Variants in LIN28A observed in about 807,000 individuals in gnomAD.
LIN28A encodes the protein lin-28 RNA binding posttranscriptional regulator A.
LIN28A carries 11 observed loss-of-function variants against 21.1 expected under a neutral mutation model. That is an observed-to-expected ratio of 0.52 (90% CI 0.33 to 0.86). The LOEUF (loss-of-function observed/expected upper bound fraction) is 0.86. Among genes scored for constraint, LIN28A ranks in the 40% least tolerant of loss-of-function variants. The pLI is 0.03. For missense variants in LIN28A, 219 were observed against 279.8 expected (o/e 0.78, Z 1.55); for synonymous variants, 111 against 108.7 (o/e 1.02, Z -0.13).
intron 2 of LIN28A, among the ~76,000 whole-genome samples, chr1:26,422,014 T>TC (rs1185926113): frequency 6.6e-6 from 1 of 151,400 alleles, no homozygotes; most frequent in Non-Finnish European, 1.5e-5. Context: ...ATTTATCTTT[T>TC]TTTTTTTTTT....
chr1:26,417,278 G>T (rs978891733), intron 2 of LIN28A, among the ~76,000 whole-genome samples: 1 of 152,138 alleles, frequency 6.6e-6, no homozygotes, highest in Non-Finnish European at 1.5e-5. Context: ...GGGATCAGAG[G>T]GATTGGCTGC....
At chr1:26,415,446 G>A (rs913586511) in intron 2 of LIN28A, among the ~76,000 whole-genome samples, 1 of 152,136 alleles carries the variant, frequency 6.6e-6, no homozygotes, top group East Asian at 1.9e-4. Flanking sequence ...TGAGGTACTG[G>A]TCTTATACCC....
At chr1:26,416,281 T>A (rs1167109506) in intron 2 of LIN28A, among the ~76,000 whole-genome samples, 3 of 152,052 alleles carry the variant, frequency 2.0e-5, no homozygotes, top group South Asian at 2.1e-4. Context: ...GCATGAGCCA[T>A]GATGCCCGGC....
intron 2 of LIN28A, among the ~76,000 whole-genome samples, chr1:26,419,978 G>T (rs1478393149): frequency 6.6e-6 from 1 of 152,056 alleles, no homozygotes; most frequent in Admixed American, 6.5e-5. Flanking sequence ...TATTTTTTGA[G>T]ATGGGTTCTT....
intron 1 of LIN28A, 28 bp downstream of exon 1, chr1:26,410,950 CTT>C: frequency 6.2e-7 from 1 of 1,600,894 alleles, no homozygotes. Context: ...AGCGGGGACA[CTT>C]TAGGATTCAG....
chr1:26,413,797 TTTTGTTTGTTTG>T (rs150759689), intron 2 of LIN28A, among the ~76,000 whole-genome samples: 5 of 143,330 alleles, frequency 3.5e-5, no homozygotes, highest in African/African-American at 1.3e-4. Context: ...GCACTTGTTT[TTTTGTTTGTTTG>T]TTTGTTTGTT....
In LIN28A at chr1:26,411,460, C is replaced by T. The variant is rs751614817; in HGVS notation, c.106C>T (p.Gln36Ter). The change falls in exon 2 of 4, where the codon CAG becomes TAG. Residue 36 changes from glutamine to a stop codon, truncating the protein, a stop_gained. Coordinates refer to ENST00000326279, the MANE Select transcript of LIN28A (RefSeq NM_024674.6). LOFTEE classifies it high-confidence loss of function. This position sits in a 1 kb window ranked among gnomAD's most constrained non-coding sequence, Gnocchi z 5.4. ...CGCGGCCCGGGCGGCGGACGAGCCTCAGCTGCTGCACGGTGCGGGCATCTG... is the reference window on the plus strand; with the variant it reads ...CGCGGCCCGGGCGGCGGACGAGCCTTAGCTGCTGCACGGTGCGGGCATCTG... ...EDAARAADEP[Q>*]LLHGAGICKW... 1 of 1,613,078 alleles carries T rather than the reference C, an allele frequency of 6.2e-7. No individual in the cohort carries two copies. Among genetic ancestry groups the T allele is most frequent in the South Asian group, 1.1e-5 (1 of 91,066 alleles).
intron 3 of LIN28A, among the ~76,000 whole-genome samples, 195 bp from the exon 4 acceptor site, chr1:26,426,047 C>G (rs2075057227): frequency 6.6e-6 from 1 of 152,146 alleles, no homozygotes; most frequent in African/African-American, 2.4e-5. Context: ...CTGAAGAGAT[C>G]ACCTAGACAA....
Position 26,415,375 on chromosome 1 carries a change from G to A in LIN28A, c.228+3793G>A, listed in dbSNP as rs535190585. Reference sequence around the variant, plus strand: ...TGCGGGGGCGGGTGGGGAAATATACGGAATCTTTCCTCCTGGTTTGTAACA... The same window carrying A: ...TGCGGGGGCGGGTGGGGAAATATACAGAATCTTTCCTCCTGGTTTGTAACA... On this transcript the variant is annotated intron_variant, in intron 2 of 3. Transcript: ENST00000326279. Among the ~76,000 whole-genome samples, 34 of 152,198 alleles carry A rather than the reference G, an allele frequency of 2.2e-4. No individual in the cohort carries two copies. In the South Asian group the frequency reaches 5.4e-3, roughly 24 times the overall value.
Position 26,426,501 on chromosome 1 carries a change from T to G in LIN28A, c.*43T>G, listed in dbSNP as rs4659441. 6.5e-7 allele frequency: 1 copy of G among 1,546,380 alleles called. No individual in the cohort carries two copies. Among genetic ancestry groups the G allele is most frequent in the Non-Finnish European group, 8.9e-7 (1 of 1,121,202 alleles). Reference sequence around the variant, plus strand: ...CTATTCTTTTGCTATCAGGAAGTTTTGAGGAGCAGGCAGAGTGGAGAAAGT... The same window carrying G: ...CTATTCTTTTGCTATCAGGAAGTTTGGAGGAGCAGGCAGAGTGGAGAAAGT... On this transcript the variant is annotated 3_prime_UTR_variant, in exon 4 of 4. Coordinates refer to ENST00000326279, the MANE Select transcript of LIN28A (RefSeq NM_024674.6).
rs1459871794 is a variant in LIN28A at position 26,426,700 on chromosome 1, C to A, written c.*242C>A. The A allele has an allele frequency of 1.8e-5, 9 of 486,488 alleles. No homozygotes were observed. Among genetic ancestry groups the A allele is most frequent in the African/African-American group, 1.7e-4 (9 of 51,430 alleles). 30.1% of individuals were successfully genotyped at this position (486,488 alleles called of 1,614,324 possible). A position where few individuals can be genotyped will look rare whatever the true frequency, so the allele number is the denominator to read the frequency against. On this transcript the variant is annotated 3_prime_UTR_variant, in exon 4 of 4. Transcript: ENST00000326279. ...GGGGCAACCAGGAGGGGGGAATCAC[C>A]CTACAACCTGCATACTTTGAGTCTC...
Position 26,428,276 on chromosome 1 carries a change from T to G in LIN28A, c.*1818T>G, listed in dbSNP as rs2075072091. The G allele has an allele frequency of 1.3e-5, 2 of 152,592 alleles. No homozygotes were observed. Among genetic ancestry groups the G allele is most frequent in the Non-Finnish European group, 2.9e-5 (2 of 68,032 alleles). The allele number at this position is 152,592 out of a possible 1,614,324, so 9.5% of individuals were successfully genotyped here. On this transcript the variant is annotated 3_prime_UTR_variant, in exon 4 of 4. Coordinates refer to ENST00000326279, the MANE Select transcript of LIN28A (RefSeq NM_024674.6). ...AGTTTGGGGGGCCCTCTTCTTAAAG[T>G]GGGGATCTTGAACCATCCTTTCTTT...
chr1:26,413,750 A>T (rs556951993), intron 2 of LIN28A, among the ~76,000 whole-genome samples: 117 of 150,978 alleles, frequency 7.7e-4, no homozygotes, highest in African/African-American at 2.7e-3. Flanking sequence ...CTCCAACCCC[A>T]CCTTAACCGT....
At chr1:26,420,698 C>T (rs952291928) in intron 2 of LIN28A, among the ~76,000 whole-genome samples, 1 of 151,996 alleles carries the variant, frequency 6.6e-6, no homozygotes, top group East Asian at 1.9e-4. Flanking sequence ...GAATATTACC[C>T]CCCAGCCACC....
intron 2 of LIN28A, among the ~76,000 whole-genome samples, chr1:26,414,002 T>G (rs1045540819): frequency 6.6e-6 from 1 of 152,018 alleles, no homozygotes; most frequent in Non-Finnish European, 1.5e-5. Context: ...TAATTTTTTG[T>G]ATTTTTAGTA....
chr1:26,414,226 C>G (rs1431390651), intron 2 of LIN28A, among the ~76,000 whole-genome samples: 1 of 136,120 alleles, frequency 7.3e-6, no homozygotes, highest in Admixed American at 7.4e-5. Flanking sequence ...AAAGTGTTCC[C>G]GAAGCAGAGG....
rs35039079 is a variant in LIN28A at position 26,428,544 on chromosome 1, CTTTTTTTT to C, written c.*2095_*2102del. On this transcript the variant is annotated 3_prime_UTR_variant, in exon 4 of 4. Transcript: ENST00000326279. ...CAAGACCATTACCATTTCTTTCTTT[CTTTTTTTT>C]TTTTTTTTAAAATGGAGTCTCACTG... 5.6e-5 allele frequency: 8 copies of C among 141,900 alleles called. No homozygotes were observed. Among genetic ancestry groups the C allele is most frequent in the Non-Finnish European group, 1.1e-4 (7 of 65,738 alleles). 8.8% of individuals were successfully genotyped at this position (141,900 alleles called of 1,614,324 possible). A position where few individuals can be genotyped will look rare whatever the true frequency, so the allele number is the denominator to read the frequency against.
chr1:26,415,814 C>T (rs1332261027), intron 2 of LIN28A, among the ~76,000 whole-genome samples: 2 of 152,002 alleles, frequency 1.3e-5, no homozygotes, highest in Non-Finnish European at 2.9e-5. Context: ...GTGGAAGCCA[C>T]GGATTTAGTG....
At chr1:26,415,830 C>T (rs1415656375) in intron 2 of LIN28A, among the ~76,000 whole-genome samples, 3 of 152,042 alleles carry the variant, frequency 2.0e-5, no homozygotes, top group South Asian at 2.1e-4. Context: ...TAGTGGTCAT[C>T]CATGAGTTAT....
Sources: allele counts gnomAD v4.1 joint callset (sites outside exome capture counted in the v4.1 genomes callset), GRCh38; gene constraint gnomAD v4.1.1; non-coding constraint Gnocchi (gnomAD v3.1); transcripts MANE v1.5; gene names NCBI Gene and HGNC (gene_info 2026-07-23, HGNC 2026-07-21).